The following FABP12 variants were observed in gnomAD, a reference collection of about 807,000 sequenced individuals.
FABP12 encodes fatty acid binding protein 12.
Under a neutral mutation model 13.7 loss-of-function variants are expected in FABP12, and 19 were observed. That is an observed-to-expected ratio of 1.39 (90% CI 0.97 to 2.04). FABP12 has a LOEUF of 2.04. FABP12 is among the 30% of genes most tolerant of loss of function. FABP12 has a pLI of 0.00. For synonymous variants in FABP12, 61 were observed against 57.0 expected, an observed-to-expected ratio of 1.07 and a Z score of -0.32; for missense variants, 182 against 164.2, an observed-to-expected ratio of 1.11 and a Z score of -0.59.
At chr8:81,541,193 T>C (rs976268079) in intron 1 of FABP12, among the ~76,000 whole-genome samples, 11 of 148,710 alleles carry the variant, frequency 7.4e-5, no homozygotes, top group African/African-American at 2.2e-4. Flanking sequence ...TCAACAAATA[T>C]AAAAAGACAC....
At chr8:81,563,806 T>C (rs910990523) in intron 1 of FABP12, among the ~76,000 whole-genome samples, 4 of 152,052 alleles carry the variant, frequency 2.6e-5, no homozygotes, top group African/African-American at 4.8e-5. Context: ...ACCCTCAAAA[T>C]GACAAATCTA....
At chr8:81,526,731 C>T (rs1808910973) in intron 4 of FABP12, among the ~76,000 whole-genome samples, 1 of 152,174 alleles carries the variant, frequency 6.6e-6, no homozygotes, top group Non-Finnish European at 1.5e-5. Context: ...CAACAACCCT[C>T]AACCCCTGCT....
intron 1 of FABP12, among the ~76,000 whole-genome samples, chr8:81,574,925 T>G (rs951431048): frequency 8.3e-5 from 8 of 96,780 alleles, no homozygotes; most frequent in Admixed American, 7.8e-4. Context: ...ATCTTTTGTA[T>G]TTTTTTTTTT....
rs183807993 is a variant in FABP12, at chr8:81,575,455, A to T, written c.-185+14598T>A. On this transcript the variant is annotated intron_variant, in intron 1 of 5. Transcript: ENST00000692030. ...GGTTGTTGCATGAAATGTTCTGTATATACCTGTTAGGTCCATTTGTTCCAA... is the reference window on the plus strand; with the variant it reads ...GGTTGTTGCATGAAATGTTCTGTATTTACCTGTTAGGTCCATTTGTTCCAA... Among the ~76,000 whole-genome samples, 10 of 152,306 alleles carry T rather than the reference A, an allele frequency of 6.6e-5. No homozygotes were observed. The East Asian group carries it at 1.9e-3, about 29-fold the overall frequency.
At chr8:81,526,419 C>T (rs1249763921) in intron 4 of FABP12, 3 of 152,186 alleles carry the variant, frequency 2.0e-5, no homozygotes, top group Admixed American at 2.0e-4. Context: ...TGATGCTCCT[C>T]CCAGTACCAT....
chr8:81,569,395 G>A (rs554579645), intron 1 of FABP12, among the ~76,000 whole-genome samples: 11 of 152,310 alleles, frequency 7.2e-5, no homozygotes, highest in Admixed American at 5.9e-4. Context: ...ACAATGATGA[G>A]TTCAAATGGA....
At chr8:81,579,349 C>A (rs1283050579) in intron 1 of FABP12, among the ~76,000 whole-genome samples, 1 of 152,044 alleles carries the variant, frequency 6.6e-6, no homozygotes, top group African/African-American at 2.4e-5. Context: ...GAGATATCCT[C>A]TTTAGATAAA....
intron 1 of FABP12, among the ~76,000 whole-genome samples, chr8:81,547,254 A>C (rs994060828): frequency 3.3e-5 from 5 of 152,238 alleles, no homozygotes; most frequent in African/African-American, 1.2e-4. Flanking sequence ...CACCACCGGC[A>C]AATGTGGAGT....
chr8:81,556,697 T>C (rs1422808763), intron 1 of FABP12, among the ~76,000 whole-genome samples: 1 of 148,860 alleles, frequency 6.7e-6, no homozygotes, highest in African/African-American at 2.4e-5. Context: ...ATCACACATA[T>C]GTGGCTATCA....
At chr8:81,551,872 C>CTCAT (rs558718602) in intron 1 of FABP12, among the ~76,000 whole-genome samples, 190 of 152,166 alleles carry the variant, frequency 1.2e-3, no homozygotes, top group African/African-American at 4.1e-3. Context: ...AAGTGTTCAT[C>CTCAT]TCATTCATTC....
chr8:81,575,242 T>C (rs986212998), intron 1 of FABP12, among the ~76,000 whole-genome samples: 1 of 152,220 alleles, frequency 6.6e-6, no homozygotes, highest in African/African-American at 2.4e-5. Context: ...GTAATTGAAT[T>C]TCCATGTATT....
intron 1 of FABP12, among the ~76,000 whole-genome samples, chr8:81,556,335 G>A (rs1282742744): frequency 2.0e-5 from 3 of 152,132 alleles, no homozygotes; most frequent in Non-Finnish European, 2.9e-5. Flanking sequence ...TGAAAAAAGA[G>A]GTTATATTAA....
intron 4 of FABP12, among the ~76,000 whole-genome samples, chr8:81,525,344 C>T (rs367671183): frequency 4.6e-5 from 7 of 152,130 alleles, no homozygotes; most frequent in East Asian, 1.9e-4. Flanking sequence ...GGTGAAACCC[C>T]GTCTCTACTA....
exon 4 of FABP12, chr8:81,527,048 C>A: frequency 6.2e-7 from 1 of 1,610,828 alleles, no homozygotes; most frequent in Non-Finnish European, 8.5e-7. Flanking sequence ...CACCAGCTTT[C>A]TCGTTATGGT....
intron 1 of FABP12, among the ~76,000 whole-genome samples, chr8:81,556,369 A>G (rs1329126032): frequency 6.6e-6 from 1 of 152,198 alleles, no homozygotes; most frequent in Non-Finnish European, 1.5e-5. Flanking sequence ...GACTGGAACA[A>G]TTGGAAAGGA....
At chr8:81,535,163 A>G (rs1376227354), upstream of FABP12, among the ~76,000 whole-genome samples, 1 of 152,218 alleles carries the variant, frequency 6.6e-6, no homozygotes, top group Non-Finnish European at 1.5e-5. Context: ...GAAATATTCT[A>G]AGATTCACTT....
intron 4 of FABP12, chr8:81,526,330 G>A (rs1182484014): frequency 2.6e-5 from 4 of 152,134 alleles, no homozygotes; most frequent in Non-Finnish European, 4.4e-5. Context: ...CTGGAGAAGT[G>A]GGGAAGGTGA....
chr8:81,525,013 C>T, exon 5 of FABP12: 1 of 1,420,518 alleles, frequency 7.0e-7, no homozygotes, highest in South Asian at 1.2e-5. Context: ...ATTTAAACAA[C>T]CTCAGTAGTT....
chr8:81,543,378 T>C (rs749439682), intron 1 of FABP12, among the ~76,000 whole-genome samples: 2 of 152,186 alleles, frequency 1.3e-5, no homozygotes, highest in Non-Finnish European at 2.9e-5. Context: ...CTCATGCTAT[T>C]TTAATGATTA....
Sources: allele counts gnomAD v4.1 joint callset (sites outside exome capture counted in the v4.1 genomes callset), GRCh38; gene constraint gnomAD v4.1.1; transcripts MANE v1.5; gene names NCBI Gene and HGNC (gene_info 2026-07-23, HGNC 2026-07-21).